ZBTB20: variants seen among roughly 807,000 people sequenced by gnomAD.
ZBTB20 encodes zinc finger and BTB domain containing 20, also known as zinc finger and BTB domain-containing protein 20.
A neutral mutation model predicts 56.9 loss-of-function variants in ZBTB20; 9 were observed. The ratio of observed to expected loss-of-function variants is 0.16; its 90% CI spans 0.10 to 0.28. ZBTB20 has a LOEUF of 0.28. ZBTB20 is among the 10% of genes least tolerant of loss of function. The probability of loss-of-function intolerance (pLI) is 1.00; values close to 1 mark genes in which losing one functional copy is unlikely to be tolerated. For synonymous variants in ZBTB20, 417 were observed against 420.7 expected (o/e 0.99, Z 0.11); for missense variants, 655 against 1,003.0 (o/e 0.65, Z 4.69).
At chr3:114,520,594 T>G (rs577336063) in intron 6 of ZBTB20, among the ~76,000 whole-genome samples, 8 of 152,280 alleles carry the variant, frequency 5.3e-5, no homozygotes, top group African/African-American at 1.9e-4. Flanking sequence ...TTCCTTGATA[T>G]TCAGGTCTGT....
chr3:115,107,985 G>A (rs1427804044), intron 1 of ZBTB20, among the ~76,000 whole-genome samples: 3 of 152,206 alleles, frequency 2.0e-5, no homozygotes, highest in South Asian at 2.1e-4. Flanking sequence ...AGGGCCTGTC[G>A]GCGGGTGGGG....
chr3:114,685,917 A>T (rs1000992916), intron 6 of ZBTB20, among the ~76,000 whole-genome samples: 5 of 152,180 alleles, frequency 3.3e-5, no homozygotes, highest in African/African-American at 9.6e-5. Context: ...CTAAACTAAA[A>T]ATCCAGGTCC....
chr3:114,718,039 CAG>C (rs1210655474), intron 5 of ZBTB20, among the ~76,000 whole-genome samples: 4 of 152,084 alleles, frequency 2.6e-5, no homozygotes, highest in African/African-American at 9.7e-5. Context: ...AGTGGACTGT[CAG>C]ATGTTTTGAT....
intron 5 of ZBTB20, among the ~76,000 whole-genome samples, chr3:114,762,346 G>A (rs1471000577): frequency 6.6e-6 from 1 of 152,148 alleles, no homozygotes; most frequent in East Asian, 1.9e-4. Context: ...GCCAGCATTT[G>A]CCAACTCCGG....
chr3:114,922,612 G>T (rs1286207638), intron 3 of ZBTB20, among the ~76,000 whole-genome samples: 1 of 152,282 alleles, frequency 6.6e-6, no homozygotes, highest in East Asian at 1.9e-4. Flanking sequence ...TTTATAAAGA[G>T]AAAAAGTTTT....
chr3:114,611,141 T>C (rs1183755822), intron 6 of ZBTB20, among the ~76,000 whole-genome samples: 1 of 152,222 alleles, frequency 6.6e-6, no homozygotes, highest in East Asian at 1.9e-4. Context: ...TTGAAATCTC[T>C]GCTAGCATAT....
intron 6 of ZBTB20, among the ~76,000 whole-genome samples, chr3:114,669,672 A>AT (rs1413656948): frequency 2.0e-5 from 3 of 151,664 alleles, no homozygotes; most frequent in Non-Finnish European, 2.9e-5. Flanking sequence ...AGTTAAAGTC[A>AT]TTTTTTCTAG....
At chr3:114,867,456 C>A (rs1000615598) in intron 4 of ZBTB20, among the ~76,000 whole-genome samples, 1 of 152,160 alleles carries the variant, frequency 6.6e-6, no homozygotes, top group African/African-American at 2.4e-5. Flanking sequence ...TGTACTACTT[C>A]AACCAATTCA....
intron 1 of ZBTB20, among the ~76,000 whole-genome samples, chr3:115,091,397 A>T (rs1051197009): frequency 2.0e-5 from 3 of 152,058 alleles, no homozygotes; most frequent in Non-Finnish European, 4.4e-5. Flanking sequence ...TTTTATACAT[A>T]GGAAGTAGAC....
intron 5 of ZBTB20, among the ~76,000 whole-genome samples, chr3:114,733,724 T>C (rs1252034570): frequency 6.6e-6 from 1 of 152,156 alleles, no homozygotes; most frequent in African/African-American, 2.4e-5. Flanking sequence ...CATTTTGATA[T>C]ACATTGGATT....
intron 2 of ZBTB20, among the ~76,000 whole-genome samples, chr3:114,994,736 T>C (rs2078957007): frequency 1.3e-5 from 2 of 152,044 alleles, no homozygotes; most frequent in South Asian, 2.1e-4. Flanking sequence ...TCCTGTTCTA[T>C]ATTGATTTTC....
At chr3:115,109,909 T>C (rs1412523681) in intron 1 of ZBTB20, among the ~76,000 whole-genome samples, 2 of 152,176 alleles carry the variant, frequency 1.3e-5, no homozygotes, top group Non-Finnish European at 2.9e-5. Flanking sequence ...CCAGTTTGAT[T>C]AAAGAGTTGG....
At chr3:114,411,263 C>T (rs928128072) in intron 7 of ZBTB20, among the ~76,000 whole-genome samples, 1 of 152,178 alleles carries the variant, frequency 6.6e-6, no homozygotes, top group African/African-American at 2.4e-5. Flanking sequence ...ACCAGTAAAA[C>T]TGGATTCTTA....
chr3:114,983,476 T>C (rs746449171), intron 2 of ZBTB20, among the ~76,000 whole-genome samples: 2 of 151,968 alleles, frequency 1.3e-5, no homozygotes, highest in African/African-American at 2.4e-5. Context: ...TGTCTTCATA[T>C]TTCATGGTCA....
At chr3:114,769,743 T>C (rs1271319616) in intron 5 of ZBTB20, among the ~76,000 whole-genome samples, 1 of 151,624 alleles carries the variant, frequency 6.6e-6, no homozygotes, top group Non-Finnish European at 1.5e-5. Flanking sequence ...GGAGCTAAGC[T>C]ATGAGGGTGC....
intron 3 of ZBTB20, among the ~76,000 whole-genome samples, chr3:114,915,084 G>A (rs1161360301): frequency 1.3e-5 from 2 of 151,418 alleles, no homozygotes; most frequent in Non-Finnish European, 3.0e-5. Flanking sequence ...GGATGATACT[G>A]GCCTCACAGA....
chr3:114,670,030 C>A (rs1460281759), intron 6 of ZBTB20, among the ~76,000 whole-genome samples: 3 of 151,968 alleles, frequency 2.0e-5, no homozygotes, highest in Admixed American at 6.6e-5. Context: ...ATGAATACAG[C>A]TAAAATTCAA....
At chr3:114,618,037 T>C (rs1379126105) in intron 6 of ZBTB20, among the ~76,000 whole-genome samples, 2 of 151,222 alleles carry the variant, frequency 1.3e-5, no homozygotes, top group African/African-American at 4.8e-5. Context: ...ATCTTCTGTC[T>C]CTCCTATCTA....
At chr3:114,693,806 CA>C (rs914591283) in intron 5 of ZBTB20, among the ~76,000 whole-genome samples, 1 of 152,068 alleles carries the variant, frequency 6.6e-6, no homozygotes, top group African/African-American at 2.4e-5. Context: ...TAACCAGTTG[CA>C]ACCAGTTATG....
Sources: gnomAD v4.1 joint callset for allele counts (sites outside exome capture counted in the v4.1 genomes callset) on GRCh38, gnomAD v4.1.1 for gene constraint, MANE v1.5 for transcripts, NCBI Gene and HGNC (gene_info 2026-07-23, HGNC 2026-07-21) for gene names.